Variants in COMMD4 observed in about 807,000 individuals in gnomAD.
COMMD4 encodes the protein COMM domain containing 4, also known as COMM domain-containing protein 4.
A neutral mutation model predicts 27.5 loss-of-function variants in COMMD4; 18 were observed. The ratio of observed to expected loss-of-function variants is 0.65; its 90% CI spans 0.45 to 0.97. COMMD4 has a LOEUF of 0.97. COMMD4 is among the 50% of genes least tolerant of loss of function. COMMD4 has a pLI of 0.00. For missense variants in COMMD4, 243 were observed against 250.0 expected, an observed-to-expected ratio of 0.97 and a Z score of 0.19; for synonymous variants, 108 against 108.4, an observed-to-expected ratio of 1.00 and a Z score of 0.02.
downstream of COMMD4, chr15:75,340,990 C>G (rs1263799856): frequency 6.6e-6 from 1 of 152,246 alleles, no homozygotes; most frequent in African/African-American, 2.4e-5. Flanking sequence ...ATGCCTGAAC[C>G]AGTCATTGGC....
At chr15:75,337,238 T>C (rs1322648547) in intron 1 of COMMD4, 1 of 148,196 alleles carries the variant, frequency 6.7e-6, no homozygotes, top group Non-Finnish European at 1.5e-5. Flanking sequence ...AGAGGGAGAC[T>C]CTGTCTTATT....
Position 75,340,059 on chromosome 15 carries a change from C to T in COMMD4, c.*54C>T. On this transcript the variant is annotated 3_prime_UTR_variant, in exon 8 of 8. Coordinates refer to ENST00000267935, the MANE Select transcript of COMMD4 (RefSeq NM_017828.5). ...GCCGCCCTGCCCGTATGGAGTCACGCCCTCTGAACTGCTCTTCGGGAGGCA... is the reference window on the plus strand; with the variant it reads ...GCCGCCCTGCCCGTATGGAGTCACGTCCTCTGAACTGCTCTTCGGGAGGCA... 6.3e-7 allele frequency: 1 copy of T among 1,598,470 alleles called. No homozygotes were observed. The highest frequency in any genetic ancestry group is 8.5e-7 in the Non-Finnish European group (1 of 1,170,152).
rs765426701 is a variant in COMMD4 at position 75,339,074 on chromosome 15, A to G, written c.271A>G (p.Ser91Gly). 3.1e-6 allele frequency: 5 copies of G among 1,613,592 alleles called. No individual in the cohort carries two copies. The highest frequency in any genetic ancestry group is 1.7e-5 in the Admixed American group (1 of 60,000). The change falls in exon 5 of 8, where the codon AGT (serine) becomes GGT (glycine). Residue 91 changes from serine to glycine, a missense_variant. Transcript: ENST00000267935. Reference protein sequence around the residue: ...KHSVDGESLSSELQQLGLPKE... With the variant: ...KHSVDGESLSGELQQLGLPKE... ...CAGTGTCGATGGCGAATCCTTGTCC[A>G]GTGAACTGCAGCAGCTGGGGCTGCC...
chr15:75,338,704 C>T lies in COMMD4; in HGVS notation c.181+19C>T, dbSNP rs755871162. The T allele has an allele frequency of 1.2e-5, 19 of 1,611,864 alleles. No homozygotes were observed. The highest frequency in any genetic ancestry group is 8.0e-5 in the African/African-American group (6 of 74,834). ...AAGTTTGGTGAGTATCCCGCTGAGTCTATAGGCCCCAGGCAACCCTGGGAA... is the reference window on the plus strand; with the variant it reads ...AAGTTTGGTGAGTATCCCGCTGAGTTTATAGGCCCCAGGCAACCCTGGGAA... On this transcript the variant is annotated intron_variant, in intron 4 of 7. Transcript: ENST00000267935.
At position 75,339,492 on chromosome 15, in the gene COMMD4, C is replaced by T. The variant is rs866899223; in HGVS notation, c.382+148C>T. 6.8e-6 allele frequency: 9 copies of T among 1,315,844 alleles called. No individual in the cohort carries two copies. The Admixed American group carries it at 1.0e-4, about 15-fold the overall frequency. 81.5% of individuals were successfully genotyped at this position (1,315,844 alleles called of 1,614,324 possible). Reference sequence around the variant, plus strand: ...TGGGACCTGGCCCTGGGTCTCCTGACTCCCCACAAGGTTTCTTGTCACTGA... The same window carrying T: ...TGGGACCTGGCCCTGGGTCTCCTGATTCCCCACAAGGTTTCTTGTCACTGA... On this transcript the variant is annotated intron_variant, in intron 6 of 7. Coordinates refer to ENST00000267935, the MANE Select transcript of COMMD4 (RefSeq NM_017828.5).
chr15:75,336,300 AGGCC>A, intron 1 of COMMD4: 1 of 1,440,758 alleles, frequency 6.9e-7, no homozygotes, highest in South Asian at 1.4e-5. Context: ...AAGACAGAGC[AGGCC>A]GGCCGGCTTA....
chr15:75,338,551 C>T (rs1390719431), intron 3 of COMMD4, 95 bp from the exon 4 acceptor site: 3 of 1,579,268 alleles, frequency 1.9e-6, no homozygotes, highest in South Asian at 1.1e-5. Context: ...TTCCTTCTTT[C>T]CAGCCTGTCT....
Position 75,336,283 on chromosome 15 carries a change from G to A in COMMD4, c.3+191G>A, listed in dbSNP as rs2071181328. ...TCCCGAGACGGGGGCGGGGGTACGG[G>A]GCGGGTAAGACAGAGCAGGCCGGCC... is the stretch of plus-strand genomic sequence containing the variant. On this transcript the variant is annotated intron_variant, in intron 1 of 7. Transcript: ENST00000267935. The A allele has an allele frequency of 4.7e-6, 7 of 1,488,864 alleles. No individual in the cohort carries two copies. The East Asian group carries it at 7.5e-5, about 16-fold the overall frequency. 92.2% of individuals were successfully genotyped at this position (1,488,864 alleles called of 1,614,324 possible).
rs1463522648 is a variant in COMMD4 at position 75,338,444 on chromosome 15, A to G, written c.141+24A>G. On this transcript the variant is annotated intron_variant, in intron 3 of 7. Coordinates refer to ENST00000267935, the MANE Select transcript of COMMD4 (RefSeq NM_017828.5). ...ATGTGAGTACAAGATCCAGCACCCC[A>G]TTGTCCCATGACCTTATGACCACCA... 5 of 1,607,358 alleles carry G rather than the reference A, an allele frequency of 3.1e-6. No homozygotes were observed. The African/African-American group carries it at 5.3e-5, about 17-fold the overall frequency.
At chr15:75,336,300 A>AGGCC (rs2071183045) in intron 1 of COMMD4, 3 of 1,440,760 alleles carry the variant, frequency 2.1e-6, no homozygotes, top group Non-Finnish European at 2.7e-6. Flanking sequence ...AAGACAGAGC[A>AGGCC]GGCCGGCCGG....
At position 75,339,824 on chromosome 15, in the gene COMMD4, G is replaced by A. The variant is rs1290371768; in HGVS notation, c.505G>A (p.Ala169Thr). 1.9e-6 allele frequency: 3 copies of A among 1,613,978 alleles called. No individual in the cohort carries two copies. The highest frequency in any genetic ancestry group is 1.6e-4 in the Middle Eastern group (1 of 6,084). Reference protein sequence around the residue: ...LEVAAAPGTPAQPVAMSLSAD... With the variant: ...LEVAAAPGTPTQPVAMSLSAD... ...GGTGGCAGCTGCCCCAGGGACCCCAGCCCAGCCTGTTGCCATGTCCCTCTC... is the reference window on the plus strand; with the variant it reads ...GGTGGCAGCTGCCCCAGGGACCCCAACCCAGCCTGTTGCCATGTCCCTCTC... Residue 169 changes from alanine (A) to threonine (T), a missense_variant, in exon 7 of 8, where the codon GCC becomes ACC. Coordinates refer to ENST00000267935, the MANE Select transcript of COMMD4 (RefSeq NM_017828.5).
rs1037215690 is a variant in COMMD4, at chr15:75,340,255, A to G, written c.*250A>G. ...GGCTGTTTTCATAAGCAGGAAAAATAAACAGAAGTATAAAGGAATGTGTGC... is the reference window on the plus strand; with the variant it reads ...GGCTGTTTTCATAAGCAGGAAAAATGAACAGAAGTATAAAGGAATGTGTGC... On this transcript the variant is annotated 3_prime_UTR_variant, in exon 8 of 8. Coordinates refer to ENST00000267935, the MANE Select transcript of COMMD4 (RefSeq NM_017828.5). 3 of 568,992 alleles carry G rather than the reference A, an allele frequency of 5.3e-6. No homozygotes were observed. Among genetic ancestry groups the G allele is most frequent in the Non-Finnish European group, 9.4e-6 (3 of 318,238 alleles). 35.2% of individuals were successfully genotyped at this position (568,992 alleles called of 1,614,324 possible).
rs1253465051 is a variant in COMMD4 at position 75,339,314 on chromosome 15, C to T, written c.352C>T (p.Gln118Ter). ...TTATGAGGAGAAGCAAAGCCCCTTG[C>T]AGAAGCACTTGCGGGTCTGCAGCCT... The part of the protein sequence containing the change: ...RCYEEKQSPL[Q>*]KHLRVCSLRM... The change falls in exon 6 of 8, where the codon CAG (glutamine) becomes TAG (stop). Residue 118 changes from glutamine (Q) to a stop codon, truncating the protein, a stop_gained. Transcript: ENST00000267935. LOFTEE classifies it high-confidence loss of function. The T allele has an allele frequency of 2.5e-6, 4 of 1,611,982 alleles. No individual in the cohort carries two copies. In the African/African-American group the frequency reaches 5.3e-5, roughly 22 times the overall value.
At chr15:75,339,554 C>A in intron 6 of COMMD4, 148 bp from the exon 7 acceptor site, 2 of 1,139,066 alleles carry the variant, frequency 1.8e-6, no homozygotes, top group Non-Finnish European at 2.5e-6. Context: ...TTATCGGGCA[C>A]CTGCCCTGTT....
intron 3 of COMMD4, 54 bp downstream of exon 3, chr15:75,338,474 C>T: frequency 1.2e-6 from 2 of 1,602,180 alleles, no homozygotes; most frequent in Non-Finnish European, 1.7e-6. Context: ...CCACCACTGC[C>T]CTGAAACTCT....
intron 1 of COMMD4, 198 bp from the exon 2 acceptor site, chr15:75,337,864 A>G (rs527578283): frequency 2.9e-5 from 18 of 613,364 alleles, no homozygotes; most frequent in African/African-American, 2.6e-4. Context: ...TAGACCTCAG[A>G]GCAGGGTTTG....
At chr15:75,340,910 G>T (rs892769798), downstream of COMMD4, 14 of 150,836 alleles carry the variant, frequency 9.3e-5, no homozygotes, top group African/African-American at 3.2e-4. Flanking sequence ...CCCTCCCAAA[G>T]TGCTGGGATT....
At chr15:75,339,431 T>G in intron 6 of COMMD4, 87 bp downstream of exon 6, 1 of 1,542,542 alleles carries the variant, frequency 6.5e-7, no homozygotes, top group South Asian at 1.2e-5. Context: ...GGAGACGACT[T>G]AACCACGGTC....
At chr15:75,338,903 G>A in intron 4 of COMMD4, 82 bp from the exon 5 acceptor site, 6 of 1,610,142 alleles carry the variant, frequency 3.7e-6, no homozygotes, top group South Asian at 1.1e-5. Flanking sequence ...AGGCCTGGGG[G>A]CTTTGAGCTA....
Sources: allele counts gnomAD v4.1 joint callset, GRCh38; gene constraint gnomAD v4.1.1; transcripts MANE v1.5; gene names NCBI Gene and HGNC (gene_info 2026-07-23, HGNC 2026-07-21).